The following DHRSX variants were observed in gnomAD, a reference collection of about 807,000 sequenced individuals.
DHRSX encodes the protein polyprenol dehydrogenase.
A neutral mutation model predicts 34.0 loss-of-function variants in DHRSX; 31 were observed. The ratio of observed to expected loss-of-function variants is 0.91; its 90% CI spans 0.69 to 1.23. The LOEUF is 1.23. Among genes scored for constraint, DHRSX ranks in the 50% most tolerant of loss-of-function variants. The pLI is 0.00. For synonymous variants in DHRSX, 201 were observed against 183.8 expected, an observed-to-expected ratio of 1.09 and a Z score of -0.76; for missense variants, 414 against 428.1, an observed-to-expected ratio of 0.97 and a Z score of 0.29.
chrX:2,451,451 C>T (rs1481477585), intron 1 of DHRSX, among the ~76,000 whole-genome samples: 1 of 152,140 alleles, frequency 6.6e-6, no homozygotes, highest in East Asian at 1.9e-4. Context: ...GGTTCTGAAC[C>T]TCTGATCTGG....
At chrX:2,474,655 A>G (rs1256668858) in intron 1 of DHRSX, among the ~76,000 whole-genome samples, 2 of 151,832 alleles carry the variant, frequency 1.3e-5, no homozygotes, top group Admixed American at 6.6e-5. Context: ...CAATGAGGCC[A>G]AGGGACCACT....
At chrX:2,358,452 C>T (rs542504151) in intron 3 of DHRSX, among the ~76,000 whole-genome samples, 4 of 152,218 alleles carry the variant, frequency 2.6e-5, no homozygotes, top group African/African-American at 9.6e-5. Context: ...CATCCCAGCA[C>T]TTTGGGAGGC....
intron 1 of DHRSX, among the ~76,000 whole-genome samples, chrX:2,483,583 T>C (rs2044807253): frequency 6.6e-6 from 1 of 152,118 alleles, no homozygotes; most frequent in Non-Finnish European, 1.5e-5. Context: ...GCAGCTGTTT[T>C]AATCAGCAAT....
At chrX:2,276,780 GA>G (rs1414005015) in intron 4 of DHRSX, among the ~76,000 whole-genome samples, 1 of 150,956 alleles carries the variant, frequency 6.6e-6, no homozygotes, top group African/African-American at 2.4e-5. Context: ...AAGGAAGAGA[GA>G]AGGAGAGGGA....
In DHRSX at chrX:2,375,390, C is replaced by A. The variant is rs1280752012; in HGVS notation, c.286+33355G>T. Among the ~76,000 whole-genome samples the A allele has an allele frequency of 3.6e-5, 5 of 138,030 alleles. 2 individuals are homozygous for A. Among genetic ancestry groups the A allele is most frequent in the Non-Finnish European group, 8.6e-5 (5 of 58,468 alleles). The allele number at this position is 138,030 out of a possible 152,430, so 90.6% of individuals were successfully genotyped here. On this transcript the variant is annotated intron_variant, in intron 3 of 6. Coordinates refer to ENST00000334651, the MANE Select transcript of DHRSX (RefSeq NM_145177.3). Reference sequence around the variant, plus strand: ...CATGGGCAGCATTGAAAACTTAAACCTTTTTCTTCTTGTGGAAAAGGCTGG... The same window carrying A: ...CATGGGCAGCATTGAAAACTTAAACATTTTTCTTCTTGTGGAAAAGGCTGG...
chrX:2,288,165 G>C (rs1460895184), intron 4 of DHRSX, among the ~76,000 whole-genome samples: 2 of 152,144 alleles, frequency 1.3e-5, no homozygotes, highest in Non-Finnish European at 2.9e-5. Context: ...GAGAAAGAGA[G>C]AGAAGGGAAG....
chrX:2,364,504 A>G (rs2042975379), intron 3 of DHRSX, among the ~76,000 whole-genome samples: 1 of 152,116 alleles, frequency 6.6e-6, no homozygotes, highest in Admixed American at 6.6e-5. Context: ...CTCACTTCCT[A>G]TCATCTATCA....
At chrX:2,350,844 G>C (rs1229361769) in intron 3 of DHRSX, among the ~76,000 whole-genome samples, 8 of 152,112 alleles carry the variant, frequency 5.3e-5, no homozygotes, top group Non-Finnish European at 1.0e-4. Flanking sequence ...GTCCATCAAT[G>C]ATAAGACTGG....
intron 3 of DHRSX, among the ~76,000 whole-genome samples, chrX:2,372,701 C>T (rs1486932922): frequency 2.0e-5 from 3 of 151,792 alleles, no homozygotes; most frequent in Admixed American, 6.6e-5. Context: ...CTCCGCCTCC[C>T]GGGTTCAAGC....
intron 1 of DHRSX, chrX:2,488,674 G>A (rs755208886): frequency 1.2e-5 from 20 of 1,611,948 alleles, no homozygotes; most frequent in Admixed American, 8.4e-5. Flanking sequence ...AGAAACCGCC[G>A]CTGACGCCAT....
At chrX:2,465,647 C>CAA (rs112491856) in intron 1 of DHRSX, among the ~76,000 whole-genome samples, 164 of 148,610 alleles carry the variant, frequency 1.1e-3, no homozygotes, top group Middle Eastern at 6.8e-3. Context: ...ACTAAAAATA[C>CAA]AAAAAAAAAG....
intron 1 of DHRSX, among the ~76,000 whole-genome samples, chrX:2,433,213 A>G (rs1328687091): frequency 1.3e-5 from 2 of 152,202 alleles, no homozygotes; most frequent in Admixed American, 6.5e-5. Context: ...TCCATCAGAA[A>G]TATTAACAGC....
At chrX:2,425,088 C>A (rs1380442605) in intron 2 of DHRSX, 109 bp downstream of exon 2, 3 of 817,610 alleles carry the variant, frequency 3.7e-6, no homozygotes, top group Non-Finnish European at 4.0e-6. Flanking sequence ...TGCAGTGAGC[C>A]AAGATTGCAC....
At chrX:2,460,946 T>C (rs925475413) in intron 1 of DHRSX, among the ~76,000 whole-genome samples, 16 of 151,992 alleles carry the variant, frequency 1.1e-4, no homozygotes, top group African/African-American at 3.9e-4. Context: ...CTCAAACTCC[T>C]GGTCTCAAAA....
chrX:2,348,381 T>C (rs2042746128), intron 3 of DHRSX, among the ~76,000 whole-genome samples: 2 of 152,168 alleles, frequency 1.3e-5, no homozygotes, highest in Non-Finnish European at 2.9e-5. Context: ...AGGGTTTTGA[T>C]GCATTTGTTC....
chrX:2,221,223 C>CG lies in DHRSX; in HGVS notation c.810dup (p.Asp271ArgfsTer2). The CG allele has an allele frequency of 6.2e-7, 1 of 1,612,770 alleles. No homozygotes were observed. Among genetic ancestry groups the CG allele is most frequent in the Non-Finnish European group, 8.5e-7 (1 of 1,179,304 alleles). On this transcript the variant is annotated frameshift_variant, in exon 7 of 7. Transcript: ENST00000334651. LOFTEE classifies it high-confidence loss of function. ...TAGATGGAAGTCCACGCTCCTTCAT[C>CG]GGGGGTCTGGTGGAAGAAGAAAAGA...
chrX:2,250,161 CAAAAAAAA>C (rs1036532155), intron 5 of DHRSX, among the ~76,000 whole-genome samples: 2 of 101,830 alleles, frequency 2.0e-5, no homozygotes, highest in South Asian at 3.5e-4. Flanking sequence ...GACTCCATCT[CAAAAAAAA>C]AAAAAAAAAA....
chrX:2,493,245 A>AG (rs2045202290), intron 1 of DHRSX, among the ~76,000 whole-genome samples: 1 of 152,110 alleles, frequency 6.6e-6, no homozygotes, highest in Non-Finnish European at 1.5e-5. Flanking sequence ...CAGTCAACGG[A>AG]GGGGGAAAAG....
chrX:2,327,700 T>A (rs2042403049), intron 3 of DHRSX, among the ~76,000 whole-genome samples: 1 of 152,088 alleles, frequency 6.6e-6, no homozygotes, highest in South Asian at 2.1e-4. Flanking sequence ...TGTCACCATA[T>A]TTGGAGATAG....
Sources: gnomAD v4.1 joint callset for allele counts (sites outside exome capture counted in the v4.1 genomes callset) on GRCh38, gnomAD v4.1.1 for gene constraint, MANE v1.5 for transcripts, NCBI Gene and HGNC (gene_info 2026-07-23, HGNC 2026-07-21) for gene names.